CNTNAP3: variants seen among roughly 807,000 people sequenced by gnomAD.
CNTNAP3 encodes contactin-associated protein-like 3.
In CNTNAP3, 36 loss-of-function variants were observed where a neutral mutation model predicts 92.1. The observed-to-expected ratio is 0.39, with a 90% confidence interval of 0.30 to 0.52. CNTNAP3 has a LOEUF of 0.52. Among genes scored for constraint, CNTNAP3 ranks in the 20% least tolerant of loss-of-function variants. The probability of loss-of-function intolerance (pLI) is 0.76; values close to 1 mark genes in which losing one functional copy is unlikely to be tolerated. For missense variants in CNTNAP3, 534 were observed against 1,069.6 expected (o/e 0.50, Z 6.98); for synonymous variants, 232 against 422.3 (o/e 0.55, Z 5.53).
intron 18 of CNTNAP3, among the ~76,000 whole-genome samples, chr9:39,096,958 T>C (rs1041354020): frequency 1.3e-5 from 2 of 151,658 alleles, no homozygotes; most frequent in Non-Finnish European, 2.9e-5. Context: ...TTCAAATATT[T>C]TTTTCTGATC....
intron 13 of CNTNAP3, 41 bp downstream of exon 13, chr9:39,132,891 C>T (rs1359232561): frequency 2.0e-6 from 3 of 1,511,632 alleles, no homozygotes; most frequent in Middle Eastern, 2.3e-4. Context: ...GGCCGCGCCC[C>T]GGCCCCGTGA....
At chr9:39,115,975 T>C (rs912820481) in intron 14 of CNTNAP3, among the ~76,000 whole-genome samples, 5 of 151,850 alleles carry the variant, frequency 3.3e-5, no homozygotes, top group African/African-American at 1.2e-4. Flanking sequence ...TGGCCAATAG[T>C]GAAACCCAGT....
chr9:39,113,306 T>C (rs553157162), intron 14 of CNTNAP3, among the ~76,000 whole-genome samples: 7 of 152,224 alleles, frequency 4.6e-5, no homozygotes, highest in Non-Finnish European at 1.0e-4. Flanking sequence ...CTTAATTCTC[T>C]TGAATAAGTT....
intron 11 of CNTNAP3, among the ~76,000 whole-genome samples, chr9:39,140,988 C>T (rs1821560964): frequency 6.6e-6 from 1 of 152,138 alleles, no homozygotes; most frequent in South Asian, 2.1e-4. Flanking sequence ...GAATGCGATA[C>T]TATCTTCAAT....
At chr9:39,158,179 G>C (rs1339798502) in intron 9 of CNTNAP3, among the ~76,000 whole-genome samples, 1 of 142,984 alleles carries the variant, frequency 7.0e-6, no homozygotes, top group Non-Finnish European at 1.5e-5. Flanking sequence ...ACATAAAGCA[G>C]TGGAAAAGGT....
chr9:39,125,277 A>G (rs2118007864), intron 13 of CNTNAP3, among the ~76,000 whole-genome samples: 1 of 152,078 alleles, frequency 6.6e-6, no homozygotes, highest in South Asian at 2.1e-4. Flanking sequence ...CAAACACTGC[A>G]TGTTCTCACT....
intron 9 of CNTNAP3, among the ~76,000 whole-genome samples, chr9:39,150,212 A>C (rs545574334): frequency 3.3e-5 from 5 of 151,840 alleles, no homozygotes; most frequent in Admixed American, 2.6e-4. Flanking sequence ...TAAAATTCCT[A>C]TAACAGGAAT....
chr9:39,124,866 AG>A (rs1563885595), intron 13 of CNTNAP3, among the ~76,000 whole-genome samples: 1 of 152,090 alleles, frequency 6.6e-6, no homozygotes, highest in Non-Finnish European at 1.5e-5. Flanking sequence ...CAACAGGTGC[AG>A]GAGAGGATGT....
In CNTNAP3 at chr9:39,152,686, C is replaced by T. The variant is rs1023882046; in HGVS notation, c.1478-2709G>A. Among the ~76,000 whole-genome samples the T allele has an allele frequency of 8.3e-5, 12 of 144,910 alleles. 2 individuals carry two copies. The highest frequency in any genetic ancestry group is 3.5e-3 in the Middle Eastern group (1 of 286). Reference sequence around the variant, plus strand: ...TCTTTTTTTTTTGAGACCTGAGTCTCGTGCTGTCGCCTAGGCTGCAGTGCA... The same window carrying T: ...TCTTTTTTTTTTGAGACCTGAGTCTTGTGCTGTCGCCTAGGCTGCAGTGCA... On this transcript the variant is annotated intron_variant, in intron 9 of 23. Transcript: ENST00000297668.
chr9:39,091,989 T>C (rs1631476), intron 18 of CNTNAP3, among the ~76,000 whole-genome samples: 6,656 of 84,044 alleles, frequency 0.079, no homozygotes, highest in East Asian at 0.11. Flanking sequence ...GTTAGTGTCA[T>C]CCTAGGAATT....
At chr9:39,168,358 T>C (rs1822211639) in intron 8 of CNTNAP3, among the ~76,000 whole-genome samples, 2 of 147,210 alleles carry the variant, frequency 1.4e-5, no homozygotes, top group South Asian at 2.2e-4. Flanking sequence ...TTGTAGAAAA[T>C]TGAAAGCAGG....
chr9:39,150,336 A>T (rs1190288646), intron 9 of CNTNAP3, among the ~76,000 whole-genome samples: 1 of 132,064 alleles, frequency 7.6e-6, no homozygotes, highest in Non-Finnish European at 1.6e-5. Flanking sequence ...AGTGGAGGTT[A>T]AATTAAAATA....
chr9:39,108,023 G>C (rs1826648034), intron 15 of CNTNAP3, among the ~76,000 whole-genome samples: 1 of 152,092 alleles, frequency 6.6e-6, no homozygotes, highest in Admixed American at 6.5e-5. Context: ...GCTTGCCACA[G>C]ATTAATGGAT....
At chr9:39,125,089 CAA>C (rs1185157401) in intron 13 of CNTNAP3, among the ~76,000 whole-genome samples, 10 of 151,988 alleles carry the variant, frequency 6.6e-5, no homozygotes, top group Admixed American at 5.2e-4. Flanking sequence ...TTCACAATAG[CAA>C]AGACTTGGAA....
Position 39,099,116 on chromosome 9 carries a change from C to T in CNTNAP3, c.2995+795G>A, listed in dbSNP as rs559054808. ...CAGCCTCCCGAGTAGCTGGGATGCC[C>T]GGCTAATTTTTGTATTTTTAGTAAA... On this transcript the variant is annotated intron_variant, in intron 18 of 23. Transcript: ENST00000297668. Among the ~76,000 whole-genome samples, 5 of 151,792 alleles carry T rather than the reference C, an allele frequency of 3.3e-5. No individual in the cohort carries two copies. In the East Asian group the frequency reaches 5.8e-4, roughly 18 times the overall value.
chr9:39,276,665 A>G lies in CNTNAP3; in HGVS notation c.86-9659T>C, dbSNP rs1392958639. 3.2e-4 allele frequency among the ~76,000 whole-genome samples: 10 copies of G among 31,082 alleles called. 3 individuals are homozygous for G. The highest frequency in any genetic ancestry group is 1.1e-3 in the Admixed American group (2 of 1,798). The allele number at this position is 31,082 out of a possible 152,430, so 20.4% of individuals were successfully genotyped here. A position where few individuals can be genotyped will look rare whatever the true frequency, so the allele number is the denominator to read the frequency against. On this transcript the variant is annotated intron_variant, in intron 1 of 23. Coordinates refer to ENST00000297668, the MANE Select transcript of CNTNAP3 (RefSeq NM_033655.5). ...TGGAAACTGAACAACCTGCTCCTGAATGACTACTGGGTACATTGAGAAATG... is the reference window on the plus strand; with the variant it reads ...TGGAAACTGAACAACCTGCTCCTGAGTGACTACTGGGTACATTGAGAAATG...
chr9:39,143,730 G>C (rs1286862389), intron 11 of CNTNAP3, among the ~76,000 whole-genome samples: 1 of 152,138 alleles, frequency 6.6e-6, no homozygotes, highest in Non-Finnish European at 1.5e-5. Context: ...AGGTCCTCTA[G>C]TTTCTAGCTG....
intron 21 of CNTNAP3, among the ~76,000 whole-genome samples, chr9:39,084,204 T>TTTG (rs1587697840): frequency 1.8e-4 from 27 of 147,568 alleles, no homozygotes; most frequent in Middle Eastern, 3.4e-3. Context: ...GTTTTTTTTT[T>TTTG]TTTTTTTTTT....
At chr9:39,131,555 G>C (rs1821294124) in intron 13 of CNTNAP3, among the ~76,000 whole-genome samples, 1 of 151,692 alleles carries the variant, frequency 6.6e-6, no homozygotes, top group South Asian at 2.1e-4. Context: ...GCCGGGCGCG[G>C]TGGCTCACGC....
Sources: allele counts gnomAD v4.1 joint callset (sites outside exome capture counted in the v4.1 genomes callset), GRCh38; gene constraint gnomAD v4.1.1; transcripts MANE v1.5; gene names NCBI Gene and HGNC (gene_info 2026-07-23, HGNC 2026-07-21).